YAP1: variants seen among roughly 807,000 people sequenced by gnomAD.
YAP1 encodes the protein transcriptional coactivator YAP1.
YAP1 carries 5 observed loss-of-function variants against 56.9 expected under a neutral mutation model. The ratio of observed to expected loss-of-function variants is 0.09; its 90% CI spans 0.05 to 0.18. The LOEUF (loss-of-function observed/expected upper bound fraction) is 0.18. Ranked by LOEUF, YAP1 falls within the 10% of genes least tolerant of loss-of-function variation. YAP1 has a pLI of 1.00. For synonymous variants in YAP1, 265 were observed against 248.1 expected (o/e 1.07, Z -0.64); for missense variants, 539 against 651.8 (o/e 0.83, Z 1.88).
At chr11:102,190,105 ATTAT>A (rs1948194480) in intron 4 of YAP1, among the ~76,000 whole-genome samples, 2 of 152,200 alleles carry the variant, frequency 1.3e-5, no homozygotes, top group Non-Finnish European at 2.9e-5. Flanking sequence ...TCAGCATCTA[ATTAT>A]TTAAATTTTA....
At position 102,128,351 on chromosome 11, in the gene YAP1, A is replaced by G. The variant is rs143360115; in HGVS notation, c.572+13957A>G. ...TCCCGTGCTATTCTCATGATAATGA[A>G]TAAGTCTCACGAGATCTGATGGGTT... On this transcript the variant is annotated intron_variant, in intron 2 of 8. Transcript: ENST00000282441. 6.0e-3 allele frequency among the ~76,000 whole-genome samples: 919 copies of G among 152,260 alleles called. 11 individuals are homozygous for G. Among genetic ancestry groups the G allele is most frequent in the African/African-American group, 0.021 (891 of 41,538 alleles).
chr11:102,162,918 C>G (rs1278507000), intron 3 of YAP1, among the ~76,000 whole-genome samples: 1 of 151,118 alleles, frequency 6.6e-6, no homozygotes, highest in African/African-American at 2.4e-5. Context: ...TTACCCTCTT[C>G]CCTTTGTGGT....
chr11:102,176,018 C>G (rs1363715511), intron 3 of YAP1, among the ~76,000 whole-genome samples: 2 of 152,062 alleles, frequency 1.3e-5, no homozygotes, highest in African/African-American at 4.8e-5. Context: ...ATATGAATTT[C>G]AGATATTTAT....
intron 3 of YAP1, among the ~76,000 whole-genome samples, chr11:102,176,984 A>G (rs144747895): frequency 2.6e-5 from 4 of 152,082 alleles, no homozygotes; most frequent in African/African-American, 4.8e-5. Context: ...CTGATGAAGT[A>G]GGAGAAGAAA....
In YAP1 at chr11:102,196,976, A is replaced by G. The variant is rs1948606501; in HGVS notation, c.803-8917A>G. On this transcript the variant is annotated intron_variant, in intron 4 of 8. Transcript: ENST00000282441. ...AGTAGATAAATTATTATGCCACTTT[A>G]TAGCGACTCTCTATTGATGATTCAG... Among the ~76,000 whole-genome samples the G allele has an allele frequency of 3.3e-5, 5 of 152,190 alleles. No individual in the cohort carries two copies. The South Asian group carries it at 1.0e-3, about 31-fold the overall frequency.
At chr11:102,120,916 A>G (rs983964492) in intron 2 of YAP1, among the ~76,000 whole-genome samples, 2 of 152,322 alleles carry the variant, frequency 1.3e-5, no homozygotes, top group African/African-American at 4.8e-5. Context: ...TTTTGGGATA[A>G]AAAGTACATA....
intron 3 of YAP1, among the ~76,000 whole-genome samples, chr11:102,163,008 G>C (rs1399486951): frequency 7.6e-6 from 1 of 130,760 alleles, no homozygotes; most frequent in African/African-American, 2.9e-5. Flanking sequence ...TTGCTATGGT[G>C]TTCTTAACCC....
rs552023754 is a variant in YAP1 at position 102,114,530 on chromosome 11, A to G, written c.572+136A>G. 2,367 of 1,085,538 alleles carry G rather than the reference A, an allele frequency of 2.2e-3. 7 individuals are homozygous for G. Among genetic ancestry groups the G allele is most frequent in the Non-Finnish European group, 2.6e-3 (2,080 of 787,232 alleles). The allele number at this position is 1,085,538 out of a possible 1,614,324, so 67.2% of individuals were successfully genotyped here. ...TATTTATGTTAAGCTCTGTAGCTCT[A>G]TCTTCCATATATATGTTTCAGTTTG... On this transcript the variant is annotated intron_variant, in intron 2 of 8. Coordinates refer to ENST00000282441, the MANE Select transcript of YAP1 (RefSeq NM_001130145.3).
At chr11:102,185,716 CTTATG>C (rs1947909934) in intron 3 of YAP1, among the ~76,000 whole-genome samples, 1 of 151,924 alleles carries the variant, frequency 6.6e-6, no homozygotes, top group African/African-American at 2.4e-5. Context: ...TCTTCCGTGT[CTTATG>C]TTAACAGTAA....
At chr11:102,125,191 T>C (rs781425169) in intron 2 of YAP1, among the ~76,000 whole-genome samples, 17 of 151,622 alleles carry the variant, frequency 1.1e-4, no homozygotes, top group Non-Finnish European at 2.4e-4. Context: ...AATTTTTGTG[T>C]GTGTATGTTT....
intron 4 of YAP1, among the ~76,000 whole-genome samples, chr11:102,190,209 C>G (rs1565249267): frequency 6.6e-6 from 1 of 151,998 alleles, no homozygotes; most frequent in Non-Finnish European, 1.5e-5. Context: ...CTTTTTTTCC[C>G]CTTATCAACT....
chr11:102,181,434 A>T (rs1947616870), intron 3 of YAP1, among the ~76,000 whole-genome samples: 2 of 152,188 alleles, frequency 1.3e-5, no homozygotes, highest in South Asian at 4.1e-4. Context: ...TGGCAGAGCG[A>T]GACTCCGTCT....
chr11:102,200,697 G>T (rs1948809004), intron 4 of YAP1, among the ~76,000 whole-genome samples: 1 of 152,002 alleles, frequency 6.6e-6, no homozygotes, highest in Non-Finnish European at 1.5e-5. Flanking sequence ...CGTCTGCCTT[G>T]GCCTCCCAAA....
intron 6 of YAP1, among the ~76,000 whole-genome samples, chr11:102,216,341 T>TA (rs923907361): frequency 7.9e-5 from 12 of 151,562 alleles, no homozygotes; most frequent in African/African-American, 1.2e-4. Flanking sequence ...TTTGCTACTT[T>TA]AAAAAAAAAT....
intron 2 of YAP1, among the ~76,000 whole-genome samples, chr11:102,142,783 A>G (rs559085858): frequency 4.7e-4 from 72 of 152,286 alleles, no homozygotes; most frequent in African/African-American, 1.6e-3. Flanking sequence ...TAGGGTAATA[A>G]TTTATACTTA....
chr11:102,144,806 G>A (rs184424491), intron 2 of YAP1, among the ~76,000 whole-genome samples: 352 of 151,944 alleles, frequency 2.3e-3, no homozygotes, highest in African/African-American at 7.9e-3. Context: ...GTTTAAAAAC[G>A]TGTCGATGTA....
intron 2 of YAP1, among the ~76,000 whole-genome samples, chr11:102,142,155 T>G (rs1945060299): frequency 6.6e-6 from 1 of 152,188 alleles, no homozygotes; most frequent in African/African-American, 2.4e-5. Flanking sequence ...TTTTTCTTAC[T>G]GTTACTTAAC....
chr11:102,206,239 G>C (rs1232172926), intron 5 of YAP1, among the ~76,000 whole-genome samples, 165 bp downstream of exon 5: 2 of 152,230 alleles, frequency 1.3e-5, no homozygotes, highest in East Asian at 3.8e-4. Flanking sequence ...TTAGTTTTGT[G>C]ACTGTGAATG....
chr11:102,185,264 T>C lies in YAP1; in HGVS notation c.689-754T>C, dbSNP rs562121271. 2.0e-5 allele frequency among the ~76,000 whole-genome samples: 3 copies of C among 152,360 alleles called. No individual in the cohort carries two copies. The South Asian group carries it at 6.2e-4, about 32-fold the overall frequency. ...ACCTCCCAAGAGCAATTGTCTTGACTTCTCTATTCCTATAAAGATAGGAAA... is the reference window on the plus strand; with the variant it reads ...ACCTCCCAAGAGCAATTGTCTTGACCTCTCTATTCCTATAAAGATAGGAAA... On this transcript the variant is annotated intron_variant, in intron 3 of 8. Transcript: ENST00000282441.
Sources: gnomAD v4.1 joint callset for allele counts (sites outside exome capture counted in the v4.1 genomes callset) on GRCh38, gnomAD v4.1.1 for gene constraint, MANE v1.5 for transcripts, NCBI Gene and HGNC (gene_info 2026-07-23, HGNC 2026-07-21) for gene names.